PRKCQ: variants seen among roughly 807,000 people sequenced by gnomAD.
PRKCQ encodes protein kinase C theta, also known as protein kinase C theta type.
PRKCQ carries 41 observed loss-of-function variants against 91.2 expected under a neutral mutation model. The ratio of observed to expected loss-of-function variants is 0.45; its 90% CI spans 0.35 to 0.58. The LOEUF is 0.58. PRKCQ is among the 20% of genes least tolerant of loss of function. The pLI is 0.00. For missense variants in PRKCQ, 673 were observed against 896.5 expected (o/e 0.75, Z 3.18); for synonymous variants, 307 against 316.9 (o/e 0.97, Z 0.33).
rs920773459 is a variant in PRKCQ at position 6,507,640 on chromosome 10, C to T, written c.319-144G>A. On this transcript the variant is annotated intron_variant, in intron 3 of 17. Coordinates refer to ENST00000263125, the MANE Select transcript of PRKCQ (RefSeq NM_006257.5). ...TCTCCACTGTACTCAAACTCATTGT[C>T]ATCAGACGACTGTAGCAACCGTGAC... 32 of 698,580 alleles carry T rather than the reference C, an allele frequency of 4.6e-5. No individual in the cohort carries two copies. The African/African-American group carries it at 5.4e-4, about 12-fold the overall frequency. 43.3% of individuals were successfully genotyped at this position (698,580 alleles called of 1,614,324 possible). A position where few individuals can be genotyped will look rare whatever the true frequency, so the allele number is the denominator to read the frequency against.
At chr10:6,512,430 A>G (rs1838527708) in intron 2 of PRKCQ, among the ~76,000 whole-genome samples, 2 of 152,250 alleles carry the variant, frequency 1.3e-5, no homozygotes, top group Admixed American at 1.3e-4. Flanking sequence ...AGTCTAGGGG[A>G]AACCTCCCTA....
intron 12 of PRKCQ, among the ~76,000 whole-genome samples, chr10:6,472,868 C>T (rs1237896201): frequency 6.6e-6 from 1 of 152,004 alleles, no homozygotes; most frequent in Admixed American, 6.6e-5. Context: ...GCCCACCACC[C>T]CGCCTGGCTA....
At chr10:6,554,724 A>G (rs1292388010) in intron 1 of PRKCQ, among the ~76,000 whole-genome samples, 1 of 152,248 alleles carries the variant, frequency 6.6e-6, no homozygotes, top group Non-Finnish European at 1.5e-5. Flanking sequence ...ATTCATTTCC[A>G]TTAAAAATTA....
chr10:6,486,191 G>C (rs532819339), intron 8 of PRKCQ, 47 bp from the exon 9 acceptor site: 1 of 1,484,486 alleles, frequency 6.7e-7, no homozygotes, highest in Admixed American at 1.7e-5. Context: ...AGAACCCCCT[G>C]GTGCTAAACA....
the PRKCQ span, among the ~76,000 whole-genome samples, chr10:6,395,132 C>T: frequency 7.1e-6 from 1 of 140,260 alleles, no homozygotes; most frequent in Non-Finnish European, 1.5e-5. Context: ...GCTGTGATCT[C>T]GGCTCACTGC....
chr10:6,507,849 A>C (rs1048903887), intron 3 of PRKCQ, among the ~76,000 whole-genome samples: 3 of 152,210 alleles, frequency 2.0e-5, no homozygotes, highest in Non-Finnish European at 4.4e-5. Context: ...AAAGAATCAC[A>C]GGCACTGGGA....
chr10:6,499,450 A>C (rs892269987), intron 4 of PRKCQ, among the ~76,000 whole-genome samples: 6 of 152,214 alleles, frequency 3.9e-5, no homozygotes, highest in Non-Finnish European at 8.8e-5. Context: ...GAAACACCAA[A>C]TTGTAAGGCA....
At chr10:6,464,271 C>A (rs774465362) in intron 13 of PRKCQ, 42 bp downstream of exon 13, 24 of 1,549,904 alleles carry the variant, frequency 1.5e-5, no homozygotes, top group Non-Finnish European at 1.9e-5. Flanking sequence ...CAAGAACTGA[C>A]AAGAACAGTG....
intron 15 of PRKCQ, among the ~76,000 whole-genome samples, chr10:6,449,623 C>T (rs2132285549): frequency 6.6e-6 from 1 of 152,004 alleles, no homozygotes; most frequent in South Asian, 2.1e-4. Context: ...CTCCAAGACA[C>T]ATAATTGTCA....
intron 14 of PRKCQ, among the ~76,000 whole-genome samples, chr10:6,457,961 C>T (rs1367503916): frequency 2.7e-5 from 4 of 150,738 alleles, no homozygotes; most frequent in Non-Finnish European, 4.4e-5. Flanking sequence ...TTTTTTTTCC[C>T]CTGAGACGAG....
intron 1 of PRKCQ, among the ~76,000 whole-genome samples, chr10:6,557,637 C>T (rs929746518): frequency 6.6e-6 from 1 of 152,178 alleles, no homozygotes; most frequent in African/African-American, 2.4e-5. Context: ...CTAGTAGTAG[C>T]CTCAAAAAGA....
the PRKCQ span, among the ~76,000 whole-genome samples, chr10:6,404,784 A>C: frequency 0.015 from 920 of 60,562 alleles, no homozygotes; most frequent in Admixed American, 0.023. Context: ...TCCTTCCTTC[A>C]CTCCTTCCTT....
intron 3 of PRKCQ, among the ~76,000 whole-genome samples, chr10:6,510,201 T>C (rs888131934): frequency 6.6e-6 from 1 of 152,204 alleles, no homozygotes; most frequent in African/African-American, 2.4e-5. Context: ...ATATATTTTC[T>C]TTTATTTTGT....
intron 1 of PRKCQ, among the ~76,000 whole-genome samples, chr10:6,564,204 T>C (rs912699166): frequency 6.6e-6 from 1 of 151,974 alleles, no homozygotes; most frequent in Admixed American, 6.6e-5. Flanking sequence ...TGCAGGGGAG[T>C]GCAGCAATCA....
chr10:6,579,653 T>G (rs1337252178), intron 1 of PRKCQ, among the ~76,000 whole-genome samples: 2 of 95,912 alleles, frequency 2.1e-5, no homozygotes, highest in Non-Finnish European at 4.6e-5. Context: ...ATTTTTCTTT[T>G]TTTTTTTTTT....
chr10:6,520,090 G>A lies in PRKCQ; in HGVS notation c.-9-4946C>T, dbSNP rs533397368. Among the ~76,000 whole-genome samples the A allele has an allele frequency of 6.4e-4, 98 of 152,260 alleles. 2 individuals are homozygous for A. The South Asian group carries it at 0.018, about 27-fold the overall frequency. On this transcript the variant is annotated intron_variant, in intron 1 of 17. Coordinates refer to ENST00000263125, the MANE Select transcript of PRKCQ (RefSeq NM_006257.5). Reference sequence around the variant, plus strand: ...GAAGACTGACTGGCCAGGCTGTTCCGAACAAGGCAGGGGCTAGGTCCCCCC... The same window carrying A: ...GAAGACTGACTGGCCAGGCTGTTCCAAACAAGGCAGGGGCTAGGTCCCCCC...
At chr10:6,484,878 T>G (rs1004337439) in intron 10 of PRKCQ, among the ~76,000 whole-genome samples, 1 of 152,218 alleles carries the variant, frequency 6.6e-6, no homozygotes, top group African/African-American at 2.4e-5. Flanking sequence ...TGAAACCATT[T>G]GACACTGACA....
chr10:6,580,631 G>A (rs1841448305), upstream of PRKCQ: 2 of 152,290 alleles, frequency 1.3e-5, no homozygotes, highest in Non-Finnish European at 2.9e-5. Context: ...TCAGGAAAAG[G>A]GGCGAGAGGC....
At chr10:6,431,539 C>G (rs939918762) in intron 16 of PRKCQ, among the ~76,000 whole-genome samples, 3 of 152,204 alleles carry the variant, frequency 2.0e-5, no homozygotes, top group African/African-American at 7.2e-5. Context: ...CACGCATACA[C>G]ACACGTACAG....
Sources: allele counts gnomAD v4.1 joint callset (sites outside exome capture counted in the v4.1 genomes callset), GRCh38; gene constraint gnomAD v4.1.1; transcripts MANE v1.5; gene names NCBI Gene and HGNC (gene_info 2026-07-23, HGNC 2026-07-21).